The following IFNA16 variants were observed in gnomAD, a reference collection of about 807,000 sequenced individuals.
IFNA16 encodes the protein interferon alpha-16.
For missense variants in IFNA16, 332 were observed against 213.5 expected (o/e 1.55, Z -3.46); for synonymous variants, 122 against 83.3 (o/e 1.46, Z -2.53).
rs201787047 is a variant in IFNA16, at chr9:21,217,310, A to G, written c.-5T>C. ...TAAAGAAAAGGACAGGGCCATTGGGATGTTGCAAATATTGCTAGGCTACTG... is the reference window on the plus strand; with the variant it reads ...TAAAGAAAAGGACAGGGCCATTGGGGTGTTGCAAATATTGCTAGGCTACTG... On this transcript the variant is annotated 5_prime_UTR_variant, in exon 1 of 1. Transcript: ENST00000380216. 18 of 1,601,780 alleles carry G rather than the reference A, an allele frequency of 1.1e-5. No individual in the cohort carries two copies. The highest frequency in any genetic ancestry group is 2.2e-5 in the East Asian group (1 of 44,778).
rs551146831 is a variant in IFNA16, at chr9:21,217,045, G to A, written c.261C>T (p.Thr87=). 58 of 1,613,822 alleles carry A rather than the reference G, an allele frequency of 3.6e-5. No individual in the cohort carries two copies. In the Admixed American group the frequency reaches 3.7e-4, roughly 10 times the overall value. ...AATCCTTTGTGCTGAAGAGATTGAAGGTCTGCTGGATCATCTCATGGAAGG... is the reference window on the plus strand; with the variant it reads ...AATCCTTTGTGCTGAAGAGATTGAAAGTCTGCTGGATCATCTCATGGAAGG... ...ISAFHEMIQQ[T]FNLFSTKDSS... The change falls in exon 1 of 1, where the codon ACC becomes ACT. Residue 87 remains threonine, a synonymous_variant. Transcript: ENST00000380216.
rs746144807 is a variant in IFNA16, at chr9:21,216,839, C to T, written c.467G>A (p.Gly156Glu). The stretch of plus-strand genomic sequence containing the variant: ...CCAGGCACAAGGGCTGTATTTCTTC[C>T]CCATCAGATAAAGAGTGATTCTTTG... ...YFQRITLYLM[G>E]KKYSPCAWEV... Residue 156 changes from glycine to glutamate, a missense_variant, in exon 1 of 1, where the codon GGG becomes GAG. Physicochemically the swap from Gly to Glu is moderately conservative, Grantham distance 98 (BLOSUM62 -2). Transcript: ENST00000380216. 10 of 1,613,760 alleles carry T rather than the reference C, an allele frequency of 6.2e-6. No individual in the cohort carries two copies. The highest frequency in any genetic ancestry group is 2.7e-5 in the African/African-American group (2 of 74,844).
rs369551665 is a variant in IFNA16 at position 21,217,165 on chromosome 9, G to A, written c.141C>T (p.Ile47=). ...TGTCCTTCAGGCAGGAGAAATGAGA[G>A]ATTCTTCCCATTTGTGCCAGGAGTA... ...ALILLAQMGR[I]SHFSCLKDRY... The change falls in exon 1 of 1, where the codon ATC becomes ATT. Residue 47 remains isoleucine (I), a synonymous_variant. Coordinates refer to ENST00000380216, the MANE Select transcript of IFNA16 (RefSeq NM_002173.3). 1 of 1,614,036 alleles carries A rather than the reference G, an allele frequency of 6.2e-7. No individual in the cohort carries two copies. The highest frequency in any genetic ancestry group is 8.5e-7 in the Non-Finnish European group (1 of 1,179,978).
chr9:21,217,177 T>G lies in IFNA16; in HGVS notation c.129A>C (p.Gln43His), dbSNP rs1370088886. 1 of 1,614,056 alleles carries G rather than the reference T, an allele frequency of 6.2e-7. No individual in the cohort carries two copies. Among genetic ancestry groups the G allele is most frequent in the Non-Finnish European group, 8.5e-7 (1 of 1,179,962 alleles). The change falls in exon 1 of 1, where the codon CAA becomes CAC. Residue 43 changes from glutamine (Q) to histidine (H), a missense_variant. Gln to His is a conservative substitution (Grantham distance 24). Transcript: ENST00000380216. The stretch of plus-strand genomic sequence containing the variant: ...AGGAGAAATGAGAGATTCTTCCCAT[T>G]TGTGCCAGGAGTATCAAGGCCCTCC... The part of the protein sequence containing the change: ...GNRRALILLA[Q>H]MGRISHFSCL...
At position 21,216,553 on chromosome 9, in the gene IFNA16, T is replaced by C; in HGVS notation, c.*183A>G. 1 of 593,952 alleles carries C rather than the reference T, an allele frequency of 1.7e-6. No homozygotes were observed. The highest frequency in any genetic ancestry group is 3.4e-5 in the East Asian group (1 of 29,030). 36.8% of individuals were successfully genotyped at this position (593,952 alleles called of 1,614,324 possible). A position where few individuals can be genotyped will look rare whatever the true frequency, so the allele number is the denominator to read the frequency against. The stretch of plus-strand genomic sequence containing the variant: ...TAGATGAATAGAGACATCAGCATGG[T>C]CATCTGTAAAGGACTAGTGCCTGCA... On this transcript the variant is annotated 3_prime_UTR_variant, in exon 1 of 1. Coordinates refer to ENST00000380216, the MANE Select transcript of IFNA16 (RefSeq NM_002173.3).
rs767794659 is a variant in IFNA16 at position 21,217,076 on chromosome 9, A to T, written c.230T>A (p.Ile77Asn). ...DGNQFQKAQA[I>N]SAFHEMIQQT... ...CTGGATCATCTCATGGAAGGCAGAG[A>T]TGGCTTGAGCCTTCTGGAACTGGTT... The change falls in exon 1 of 1, where the codon ATC becomes AAC. Residue 77 changes from isoleucine to asparagine, a missense_variant. Coordinates refer to ENST00000380216, the MANE Select transcript of IFNA16 (RefSeq NM_002173.3). 1 of 1,613,978 alleles carries T rather than the reference A, an allele frequency of 6.2e-7. No homozygotes were observed. Among genetic ancestry groups the T allele is most frequent in the Non-Finnish European group, 8.5e-7 (1 of 1,179,918 alleles).
chr9:21,217,170 T>C lies in IFNA16; in HGVS notation c.136A>G (p.Arg46Gly). The change falls in exon 1 of 1, where the codon AGA becomes GGA. Residue 46 changes from arginine to glycine, a missense_variant. Physicochemically the swap from Arg to Gly is moderately radical, Grantham distance 125. Coordinates refer to ENST00000380216, the MANE Select transcript of IFNA16 (RefSeq NM_002173.3). ...RALILLAQMG[R>G]ISHFSCLKDR... is the part of the protein sequence containing the mutation. Reference sequence around the variant, plus strand: ...TTCAGGCAGGAGAAATGAGAGATTCTTCCCATTTGTGCCAGGAGTATCAAG... The same window carrying C: ...TTCAGGCAGGAGAAATGAGAGATTCCTCCCATTTGTGCCAGGAGTATCAAG... 6.2e-7 allele frequency: 1 copy of C among 1,614,082 alleles called. No homozygotes were observed. Among genetic ancestry groups the C allele is most frequent in the Non-Finnish European group, 8.5e-7 (1 of 1,179,976 alleles).
In IFNA16 at chr9:21,216,692, T is replaced by C; in HGVS notation, c.*44A>G. The C allele has an allele frequency of 4.4e-6, 7 of 1,595,426 alleles. No individual in the cohort carries two copies. The highest frequency in any genetic ancestry group is 6.0e-6 in the Non-Finnish European group (7 of 1,172,520). On this transcript the variant is annotated 3_prime_UTR_variant, in exon 1 of 1. Transcript: ENST00000380216. Reference sequence around the variant, plus strand: ...TGGAAGAACTCATGAAAGTGTGAGATGATGTATTAATCAATGAGGATCATT... The same window carrying C: ...TGGAAGAACTCATGAAAGTGTGAGACGATGTATTAATCAATGAGGATCATT...
chr9:21,217,198 C>T lies in IFNA16; in HGVS notation c.108G>A (p.Arg36=). Residue 36 remains arginine, a synonymous_variant, in exon 1 of 1, where the codon AGG becomes AGA. Transcript: ENST00000380216. ...LPQTHSLGNR[R]ALILLAQMGR... ...CCATTTGTGCCAGGAGTATCAAGGCCCTCCTATTACCCAGGCTGTGAGTCT... is the reference window on the plus strand; with the variant it reads ...CCATTTGTGCCAGGAGTATCAAGGCTCTCCTATTACCCAGGCTGTGAGTCT... 1.2e-6 allele frequency: 2 copies of T among 1,613,934 alleles called. No individual in the cohort carries two copies. Among genetic ancestry groups the T allele is most frequent in the African/African-American group, 1.3e-5 (1 of 75,002 alleles).
In IFNA16 at chr9:21,216,977, A is replaced by G. The variant is rs1323730080; in HGVS notation, c.329T>C (p.Ile110Thr). The change falls in exon 1 of 1, where the codon ATT becomes ACT. Residue 110 changes from isoleucine to threonine, a missense_variant. Coordinates refer to ENST00000380216, the MANE Select transcript of IFNA16 (RefSeq NM_002173.3). ...GTCATTCAGTTGCTGGAAAAGTTCA[A>G]TGTAGAATTTGTCTAGGAGGGTCTC... ...WDETLLDKFY[I>T]ELFQQLNDLE... 3.1e-6 allele frequency: 5 copies of G among 1,613,706 alleles called. No individual in the cohort carries two copies. The highest frequency in any genetic ancestry group is 3.4e-6 in the Non-Finnish European group (4 of 1,179,916).
chr9:21,217,246 A>G lies in IFNA16; in HGVS notation c.60T>C (p.Cys20=), dbSNP rs28368157. 2.8e-4 allele frequency: 456 copies of G among 1,613,838 alleles called. 1 individual carries two copies. The highest frequency in any genetic ancestry group is 3.8e-4 in the Non-Finnish European group (443 of 1,179,924). Residue 20 remains cysteine (C), a synonymous_variant, in exon 1 of 1, where the codon TGT becomes TGC. Coordinates refer to ENST00000380216, the MANE Select transcript of IFNA16 (RefSeq NM_002173.3). ...AVLVLSYKSI[C]SLGCDLPQTH... is the part of the protein sequence containing the mutation. ...TCTGAGGCAGATCACAGCCCAGAGA[A>G]CAGATGGATTTGTAGCTGAGCACCA...
rs140804711 is a variant in IFNA16 at position 21,217,219 on chromosome 9, A to G, written c.87T>C (p.Thr29=). The change falls in exon 1 of 1, where the codon ACT becomes ACC. Residue 29 remains threonine, a synonymous_variant. Transcript: ENST00000380216. ...AGGCCCTCCTATTACCCAGGCTGTGAGTCTGAGGCAGATCACAGCCCAGAG... is the reference window on the plus strand; with the variant it reads ...AGGCCCTCCTATTACCCAGGCTGTGGGTCTGAGGCAGATCACAGCCCAGAG... ...ICSLGCDLPQ[T]HSLGNRRALI... 8.2e-4 allele frequency: 1,331 copies of G among 1,613,962 alleles called. 5 individuals are homozygous for G. The highest frequency in any genetic ancestry group is 3.5e-3 in the Middle Eastern group (21 of 6,060).
At position 21,216,537 on chromosome 9, in the gene IFNA16, A is replaced by G. The variant is rs1342503655; in HGVS notation, c.*199T>C. ...TAAATATTTAAATAAATAGATGAAT[A>G]GAGACATCAGCATGGTCATCTGTAA... On this transcript the variant is annotated 3_prime_UTR_variant, in exon 1 of 1. Transcript: ENST00000380216. 8.8e-6 allele frequency: 4 copies of G among 455,110 alleles called. No homozygotes were observed. Among genetic ancestry groups the G allele is most frequent in the South Asian group, 8.3e-5 (1 of 12,050 alleles). The allele number at this position is 455,110 out of a possible 1,614,324, so 28.2% of individuals were successfully genotyped here. A position where few individuals can be genotyped will look rare whatever the true frequency, so the allele number is the denominator to read the frequency against.
rs750764392 is a variant in IFNA16 at position 21,217,129 on chromosome 9, G to T, written c.177C>A (p.Phe59Leu). 1.2e-6 allele frequency: 2 copies of T among 1,614,004 alleles called. No homozygotes were observed. Among genetic ancestry groups the T allele is most frequent in the Non-Finnish European group, 1.7e-6 (2 of 1,179,954 alleles). The change falls in exon 1 of 1, where the codon TTC (phenylalanine) becomes TTA (leucine). Residue 59 changes from phenylalanine to leucine, a missense_variant. Coordinates refer to ENST00000380216, the MANE Select transcript of IFNA16 (RefSeq NM_002173.3). Reference protein sequence around the residue: ...HFSCLKDRYDFGFPQEVFDGN... With the variant: ...HFSCLKDRYDLGFPQEVFDGN... ...CATCAAACACCTCCTGGGGGAATCC[G>T]AAATCATATCTGTCCTTCAGGCAGG...
At position 21,216,998 on chromosome 9, in the gene IFNA16, G is replaced by T. The variant is rs528435618; in HGVS notation, c.308C>A (p.Thr103Asn). 1 of 1,613,766 alleles carries T rather than the reference G, an allele frequency of 6.2e-7. No homozygotes were observed. The highest frequency in any genetic ancestry group is 8.5e-7 in the Non-Finnish European group (1 of 1,179,884). ...TTCAATGTAGAATTTGTCTAGGAGGGTCTCATCCCAAGCAGCAGATGAATC... is the reference window on the plus strand; with the variant it reads ...TTCAATGTAGAATTTGTCTAGGAGGTTCTCATCCCAAGCAGCAGATGAATC... ...TKDSSAAWDE[T>N]LLDKFYIELF... Residue 103 changes from threonine (T) to asparagine (N), a missense_variant, in exon 1 of 1, where the codon ACC becomes AAC. Physicochemically the swap from Thr to Asn is moderately conservative, Grantham distance 65 (BLOSUM62 0). Transcript: ENST00000380216.
chr9:21,216,708 G>A lies in IFNA16; in HGVS notation c.*28C>T. 3 of 1,607,340 alleles carry A rather than the reference G, an allele frequency of 1.9e-6. No homozygotes were observed. Among genetic ancestry groups the A allele is most frequent in the Non-Finnish European group, 2.5e-6 (3 of 1,177,214 alleles). ...AGTGTGAGATGATGTATTAATCAAT[G>A]AGGATCATTTCCATGTTGAATGAGT... On this transcript the variant is annotated 3_prime_UTR_variant, in exon 1 of 1. Transcript: ENST00000380216.
At position 21,216,882 on chromosome 9, in the gene IFNA16, C is replaced by A. The variant is rs1399015182; in HGVS notation, c.424G>T (p.Ala142Ser). The stretch of plus-strand genomic sequence containing the variant: ...ATTCTTTGAAAGTATTTCCTCACAG[C>A]CAGGATGGAGTCCTCATTCATCAGG... ...IALMNEDSIL[A>S]VRKYFQRITL... Residue 142 changes from alanine to serine, a missense_variant, in exon 1 of 1, where the codon GCT (alanine) becomes TCT (serine). Coordinates refer to ENST00000380216, the MANE Select transcript of IFNA16 (RefSeq NM_002173.3). The A allele has an allele frequency of 5.0e-6, 8 of 1,614,020 alleles. No individual in the cohort carries two copies. The highest frequency in any genetic ancestry group is 5.9e-6 in the Non-Finnish European group (7 of 1,179,968).
In IFNA16 at chr9:21,216,733, T is replaced by G; in HGVS notation, c.*3A>C. On this transcript the variant is annotated 3_prime_UTR_variant, in exon 1 of 1. Coordinates refer to ENST00000380216, the MANE Select transcript of IFNA16 (RefSeq NM_002173.3). ...GAGGATCATTTCCATGTTGAATGAG[T>G]TTTCAATCCTTCCTTCTTAATCCTT... 1 of 1,612,720 alleles carries G rather than the reference T, an allele frequency of 6.2e-7. No individual in the cohort carries two copies. Among genetic ancestry groups the G allele is most frequent in the South Asian group, 1.1e-5 (1 of 90,762 alleles).
chr9:21,216,525 A>C lies in IFNA16; in HGVS notation c.*211T>G, dbSNP rs895270580. 8.1e-6 allele frequency: 3 copies of C among 370,122 alleles called. No homozygotes were observed. Among genetic ancestry groups the C allele is most frequent in the Admixed American group, 4.7e-5 (1 of 21,108 alleles). The allele number at this position is 370,122 out of a possible 1,614,324, so 22.9% of individuals were successfully genotyped here. On this transcript the variant is annotated 3_prime_UTR_variant, in exon 1 of 1. Transcript: ENST00000380216. The stretch of plus-strand genomic sequence containing the variant: ...TAGTTAAATAAATAAATATTTAAAT[A>C]AATAGATGAATAGAGACATCAGCAT...
Sources: gnomAD v4.1 joint callset for allele counts on GRCh38, gnomAD v4.1.1 for gene constraint, MANE v1.5 for transcripts, NCBI Gene and HGNC (gene_info 2026-07-23, HGNC 2026-07-21) for gene names.